Variants in PRKRIP1 observed in about 807,000 individuals in gnomAD.
PRKRIP1 encodes the protein PRKR-interacting protein 1.
A neutral mutation model predicts 29.3 loss-of-function variants in PRKRIP1; 29 were observed. The ratio of observed to expected loss-of-function variants is 0.99; its 90% CI spans 0.74 to 1.35. The LOEUF (loss-of-function observed/expected upper bound fraction) is 1.35, where lower values mean the gene tolerates loss of function less well. Among genes scored for constraint, PRKRIP1 ranks in the 40% most tolerant of loss-of-function variants. The pLI is 0.00. For missense variants in PRKRIP1, 247 were observed against 236.8 expected (o/e 1.04, Z -0.28); for synonymous variants, 90 against 85.1 (o/e 1.06, Z -0.32).
intron 5 of PRKRIP1, among the ~76,000 whole-genome samples, chr7:102,408,479 C>T (rs782770900): frequency 1.3e-5 from 2 of 152,244 alleles, no homozygotes; most frequent in East Asian, 1.9e-4. Context: ...CCAATCCTGC[C>T]GCCTCTGAAC....
intron 5 of PRKRIP1, among the ~76,000 whole-genome samples, chr7:102,413,824 G>A (rs1169647531): frequency 6.6e-6 from 1 of 152,100 alleles, no homozygotes; most frequent in East Asian, 1.9e-4. Context: ...TAAAAACAAA[G>A]TGTGTGCTTC....
chr7:102,404,549 C>T, intron 3 of PRKRIP1, 49 bp from the exon 4 acceptor site: 1 of 1,509,454 alleles, frequency 6.6e-7, no homozygotes, highest in Non-Finnish European at 9.1e-7. Flanking sequence ...AAACCTCCCA[C>T]AGTCTGCCCA....
At chr7:102,421,405 TGTGGTGG>T (rs1796688592) in intron 5 of PRKRIP1, among the ~76,000 whole-genome samples, 1 of 151,480 alleles carries the variant, frequency 6.6e-6, no homozygotes, top group African/African-American at 2.4e-5. Context: ...ATTAGCCAGG[TGTGGTGG>T]CACACACCCA....
At chr7:102,407,770 T>G (rs1197564946) in intron 5 of PRKRIP1, among the ~76,000 whole-genome samples, 4 of 152,180 alleles carry the variant, frequency 2.6e-5, no homozygotes, top group Non-Finnish European at 4.4e-5. Context: ...TATTGGTTAT[T>G]GACATCTCCC....
At position 102,396,438 on chromosome 7, in the gene PRKRIP1, G is replaced by T. The variant is rs1166131840; in HGVS notation, c.27G>T (p.Val9=). 4 of 1,594,536 alleles carry T rather than the reference G, an allele frequency of 2.5e-6. No individual in the cohort carries two copies. The highest frequency in any genetic ancestry group is 3.4e-6 in the Non-Finnish European group (4 of 1,175,218). MASPAASS[V]RPPRPKKEPQ... ...TGGCTAGCCCAGCCGCCTCCTCGGT[G>T]CGACCACCGAGGCCCAAGAAAGAGC... The change falls in exon 1 of 6, where the codon GTG becomes GTT. Residue 9 remains valine, a synonymous_variant. Coordinates refer to ENST00000397912, the MANE Select transcript of PRKRIP1 (RefSeq NM_024653.4).
Position 102,425,023 on chromosome 7 carries a change from A to C in PRKRIP1, c.467A>C (p.Gln156Pro). ...LEQKKQEGPGQPKEQGSSSSA... is the reference protein window; with the variant it reads ...LEQKKQEGPGPPKEQGSSSSA... ...TGTCGTGTGGTTACAGGACCCGGTC[A>C]GCCCAAGGAGCAGGGGTCCAGCAGC... is the stretch of plus-strand genomic sequence containing the variant. The change falls in exon 6 of 6, where the codon CAG becomes CCG. Residue 156 changes from glutamine to proline, a missense_variant. By Grantham distance (76) the Gln-to-Pro change is moderately conservative. Coordinates refer to ENST00000397912, the MANE Select transcript of PRKRIP1 (RefSeq NM_024653.4). 4 of 1,612,432 alleles carry C rather than the reference A, an allele frequency of 2.5e-6. No individual in the cohort carries two copies. Among genetic ancestry groups the C allele is most frequent in the Non-Finnish European group, 3.4e-6 (4 of 1,179,490 alleles).
intron 5 of PRKRIP1, among the ~76,000 whole-genome samples, chr7:102,421,417 C>T (rs568188871): frequency 5.9e-5 from 9 of 152,060 alleles, no homozygotes; most frequent in Middle Eastern, 3.4e-3. Flanking sequence ...TGGTGGCACA[C>T]ACCCATAGTC....
intron 5 of PRKRIP1, among the ~76,000 whole-genome samples, chr7:102,423,694 T>C (rs1796764165): frequency 6.6e-6 from 1 of 151,980 alleles, no homozygotes. Flanking sequence ...ATCCTCACCA[T>C]TTAAACTTTA....
In PRKRIP1 at chr7:102,399,726, A is replaced by G. The variant is rs1796013927; in HGVS notation, c.306+78A>G. On this transcript the variant is annotated intron_variant, in intron 3 of 5. Coordinates refer to ENST00000397912, the MANE Select transcript of PRKRIP1 (RefSeq NM_024653.4). ...ACTTTCTTTAGAAAAAAGCATTTGAAGAGGCTGGGCGTGGTGGCTCAGGCC... is the reference window on the plus strand; with the variant it reads ...ACTTTCTTTAGAAAAAAGCATTTGAGGAGGCTGGGCGTGGTGGCTCAGGCC... 5 of 1,208,084 alleles carry G rather than the reference A, an allele frequency of 4.1e-6. No homozygotes were observed. In the Admixed American group the frequency reaches 8.7e-5, roughly 21 times the overall value. The allele number at this position is 1,208,084 out of a possible 1,614,324, so 74.8% of individuals were successfully genotyped here. A position where few individuals can be genotyped will look rare whatever the true frequency, so the allele number is the denominator to read the frequency against.
intron 2 of PRKRIP1, among the ~76,000 whole-genome samples, chr7:102,398,977 C>T (rs1366520563): frequency 2.6e-5 from 4 of 152,070 alleles, no homozygotes; most frequent in Non-Finnish European, 5.9e-5. Flanking sequence ...TAAAAATTAG[C>T]CAGGCATAGT....
At chr7:102,421,324 A>G (rs1796686137) in intron 5 of PRKRIP1, among the ~76,000 whole-genome samples, 1 of 152,062 alleles carries the variant, frequency 6.6e-6, no homozygotes, top group Admixed American at 6.6e-5. Context: ...AGGGAGGATC[A>G]CTTGAGCCCA....
chr7:102,424,973 C>T (rs782698508), intron 5 of PRKRIP1, 41 bp from the exon 6 acceptor site: 36 of 1,594,736 alleles, frequency 2.3e-5, no homozygotes, highest in Middle Eastern at 1.7e-4. Flanking sequence ...TGACCCTGAA[C>T]GATTTTGCAT....
chr7:102,416,756 T>C (rs1554573168), intron 5 of PRKRIP1, among the ~76,000 whole-genome samples: 1 of 151,168 alleles, frequency 6.6e-6, no homozygotes, highest in African/African-American at 2.4e-5. Flanking sequence ...CTCACCTCAC[T>C]GCAGCCTCGA....
intron 5 of PRKRIP1, among the ~76,000 whole-genome samples, chr7:102,421,595 A>G (rs984849734): frequency 1.3e-5 from 2 of 152,116 alleles, no homozygotes; most frequent in Non-Finnish European, 2.9e-5. Flanking sequence ...TCAGGAGATC[A>G]AGACCATCCT....
Position 102,425,047 on chromosome 7 carries a change from G to A in PRKRIP1, c.491G>A (p.Ser164Asn). 1 of 1,613,874 alleles carries A rather than the reference G, an allele frequency of 6.2e-7. No homozygotes were observed. The highest frequency in any genetic ancestry group is 8.5e-7 in the Non-Finnish European group (1 of 1,179,980). ...PGQPKEQGSSSSAEASGTEEE... is the reference protein window; with the variant it reads ...PGQPKEQGSSNSAEASGTEEE... ...CAGCCCAAGGAGCAGGGGTCCAGCAGCTCTGCGGAGGCATCTGGAACAGAG... is the reference window on the plus strand; with the variant it reads ...CAGCCCAAGGAGCAGGGGTCCAGCAACTCTGCGGAGGCATCTGGAACAGAG... Residue 164 changes from serine to asparagine, a missense_variant, in exon 6 of 6, where the codon AGC (serine) becomes AAC (asparagine). By Grantham distance (46) the Ser-to-Asn change is conservative. This residue lies in a region of PRKRIP1 where 134 missense variants were observed against 126.6 expected (regional missense o/e 1.06). Coordinates refer to ENST00000397912, the MANE Select transcript of PRKRIP1 (RefSeq NM_024653.4).
intron 5 of PRKRIP1, among the ~76,000 whole-genome samples, chr7:102,413,368 A>G (rs529296932): frequency 6.6e-6 from 1 of 152,218 alleles, no homozygotes; most frequent in Non-Finnish European, 1.5e-5. Flanking sequence ...CTTCAACATA[A>G]TATGTTGGAA....
chr7:102,402,298 TGTG>T (rs1313760942), intron 3 of PRKRIP1, among the ~76,000 whole-genome samples: 1 of 151,502 alleles, frequency 6.6e-6, no homozygotes, highest in Admixed American at 6.6e-5. Flanking sequence ...ACTAGCCAGA[TGTG>T]GTGGTAGCCA....
At chr7:102,407,185 A>C (rs1554571950) in intron 4 of PRKRIP1, among the ~76,000 whole-genome samples, 1 of 151,964 alleles carries the variant, frequency 6.6e-6, no homozygotes, top group African/African-American at 2.4e-5. Flanking sequence ...ACTGCACTCC[A>C]GCCTGGGTGA....
chr7:102,400,039 C>T (rs980089858), intron 3 of PRKRIP1, among the ~76,000 whole-genome samples: 3 of 149,060 alleles, frequency 2.0e-5, no homozygotes, highest in Middle Eastern at 3.3e-3. Flanking sequence ...AAGAAAAAAG[C>T]GTTTGAGGAA....
Sources: gnomAD v4.1 joint callset for allele counts (sites outside exome capture counted in the v4.1 genomes callset) on GRCh38, gnomAD v4.1.1 for gene constraint, gnomAD v4.1.1 regional missense constraint, MANE v1.5 for transcripts, NCBI Gene and HGNC (gene_info 2026-07-23, HGNC 2026-07-21) for gene names.